The following ETV6 variants were observed in gnomAD, a reference collection of about 807,000 sequenced individuals.
ETV6 encodes ETS variant transcription factor 6.
In ETV6, 16 loss-of-function variants were observed where a neutral mutation model predicts 51.1. The observed-to-expected ratio is 0.31, with a 90% CI of 0.21 to 0.48. The LOEUF is 0.48. Ranked by LOEUF, ETV6 falls within the 20% of genes least tolerant of loss-of-function variation. The pLI is 0.99. For missense variants in ETV6, 458 were observed against 594.8 expected (o/e 0.77, Z 2.39); for synonymous variants, 240 against 224.1 (o/e 1.07, Z -0.64).
rs925755275 is a variant in ETV6, at chr12:11,891,696, C to T, written c.*650C>T. ...CTTCCCTTGGTCCCCTCTGTCCTCC[C>T]GCCCTGCCTGCAGTTGAGATTCAGA... On this transcript the variant is annotated 3_prime_UTR_variant, in exon 8 of 8. Transcript: ENST00000396373. 8.5e-6 allele frequency: 4 copies of T among 472,564 alleles called. No homozygotes were observed. The highest frequency in any genetic ancestry group is 1.6e-5 in the Non-Finnish European group (4 of 247,228). 29.3% of individuals were successfully genotyped at this position (472,564 alleles called of 1,614,324 possible). A position where few individuals can be genotyped will look rare whatever the true frequency, so the allele number is the denominator to read the frequency against.
chr12:11,802,524 A>G (rs1945765733), intron 2 of ETV6, among the ~76,000 whole-genome samples: 1 of 152,222 alleles, frequency 6.6e-6, no homozygotes, highest in Non-Finnish European at 1.5e-5. Flanking sequence ...GCTCTCACTT[A>G]TGAACTTGGA....
At chr12:11,744,042 G>C (rs894393685) in intron 1 of ETV6, among the ~76,000 whole-genome samples, 17 of 152,194 alleles carry the variant, frequency 1.1e-4, no homozygotes, top group African/African-American at 3.6e-4. Context: ...CTTCTGCCCA[G>C]GTTTTAAGTC....
At chr12:11,824,308 G>A (rs995776407) in intron 2 of ETV6, among the ~76,000 whole-genome samples, 1 of 152,220 alleles carries the variant, frequency 6.6e-6, no homozygotes, top group Non-Finnish European at 1.5e-5. Context: ...TCACCAGAAA[G>A]CCTGAAAGTG....
At chr12:11,661,170 T>C (rs1216259702) in intron 1 of ETV6, among the ~76,000 whole-genome samples, 1 of 151,996 alleles carries the variant, frequency 6.6e-6, no homozygotes, top group Non-Finnish European at 1.5e-5. Flanking sequence ...TAAAAAACTT[T>C]TTGTGGAGAC....
intron 1 of ETV6, among the ~76,000 whole-genome samples, chr12:11,693,538 T>A (rs1414663985): frequency 6.6e-6 from 1 of 152,184 alleles, no homozygotes; most frequent in Non-Finnish European, 1.5e-5. Flanking sequence ...TCACCTCTGG[T>A]CCTTGTCAGG....
At chr12:11,780,087 CTCTT>C (rs1295907707) in intron 2 of ETV6, among the ~76,000 whole-genome samples, 2 of 152,220 alleles carry the variant, frequency 1.3e-5, no homozygotes, top group African/African-American at 4.8e-5. Context: ...TTCCTTTTCT[CTCTT>C]TCTGGTACAG....
intron 2 of ETV6, among the ~76,000 whole-genome samples, chr12:11,788,375 A>C (rs1945520379): frequency 6.6e-6 from 1 of 152,164 alleles, no homozygotes; most frequent in Admixed American, 6.5e-5. Flanking sequence ...TCTGCCTTTA[A>C]AAAAAACGAA....
chr12:11,655,443 A>G (rs1291808012), intron 1 of ETV6, among the ~76,000 whole-genome samples: 1 of 152,234 alleles, frequency 6.6e-6, no homozygotes, highest in Non-Finnish European at 1.5e-5. Flanking sequence ...GGGGACAGAA[A>G]GACTAGACTA....
intron 4 of ETV6, among the ~76,000 whole-genome samples, chr12:11,862,613 T>TCTTCACCTGCATTCTTCCC (rs1264727388): frequency 6.6e-6 from 1 of 152,226 alleles, no homozygotes; most frequent in Non-Finnish European, 1.5e-5. Context: ...TCTGCCTTCA[T>TCTTCACCTGCATTCTTCCC]CTTCACCTGC....
intron 1 of ETV6, among the ~76,000 whole-genome samples, chr12:11,738,377 C>T (rs1275603223): frequency 2.0e-5 from 3 of 147,930 alleles, no homozygotes; most frequent in Non-Finnish European, 4.4e-5. Context: ...AGTGCAGTGG[C>T]GCAGTCATGG....
intron 2 of ETV6, among the ~76,000 whole-genome samples, chr12:11,812,232 T>C (rs1945924252): frequency 1.3e-5 from 2 of 152,220 alleles, no homozygotes; most frequent in South Asian, 4.1e-4. Flanking sequence ...ACTGGAGTTT[T>C]GCACAAATCT....
Position 11,869,714 on chromosome 12 carries a change from C to T in ETV6, c.754C>T (p.His252Tyr), listed in dbSNP as rs867045266. The T allele has an allele frequency of 2.5e-6, 4 of 1,613,956 alleles. No individual in the cohort carries two copies. The highest frequency in any genetic ancestry group is 4.5e-5 in the East Asian group (2 of 44,882). The change falls in exon 5 of 8, where the codon CAC (histidine) becomes TAC (tyrosine). Residue 252 changes from histidine to tyrosine, a missense_variant. By Grantham distance (83) the His-to-Tyr change is moderately conservative. This residue lies in a region of ETV6 where 293 missense variants were observed against 315.7 expected (regional missense o/e 0.93). Transcript: ENST00000396373. The surrounding 1 kb of genome is among the most constrained non-coding windows in gnomAD (Gnocchi z 5.0). ...NNHCPASSESHPKPSSPRQES... is the reference protein window; with the variant it reads ...NNHCPASSESYPKPSSPRQES... ...TCACTGCCCAGCGTCCTCCGAGTCC[C>T]ACCCGAAGCCATCCAGCCCCCGGCA...
intron 3 of ETV6, among the ~76,000 whole-genome samples, chr12:11,844,362 T>C (rs1480221789): frequency 1.3e-5 from 2 of 152,240 alleles, no homozygotes; most frequent in African/African-American, 4.8e-5. Flanking sequence ...TTGAGGATTT[T>C]AGTAGACTAA....
chr12:11,773,903 G>A (rs1439396093), intron 2 of ETV6, among the ~76,000 whole-genome samples: 1 of 152,224 alleles, frequency 6.6e-6, no homozygotes, highest in Non-Finnish European at 1.5e-5. Flanking sequence ...GAACATTGGG[G>A]AAATGCAGTG....
chr12:11,767,018 A>G (rs572980578), intron 2 of ETV6, among the ~76,000 whole-genome samples: 1 of 152,286 alleles, frequency 6.6e-6, no homozygotes, highest in East Asian at 1.9e-4. Context: ...CTTAGGAACT[A>G]AATTTTTTTC....
chr12:11,712,999 C>T (rs1480933682), intron 1 of ETV6, among the ~76,000 whole-genome samples: 1 of 152,128 alleles, frequency 6.6e-6, no homozygotes, highest in Non-Finnish European at 1.5e-5. Flanking sequence ...ACCTCTGACA[C>T]CTGCCCTTCA....
Position 11,650,170 on chromosome 12 carries a change from T to C in ETV6, c.33+10T>C. ...TCAGTGTAGCATTAAGGTAAAAATCTTCTCCCCTCCTTCTACGTGGTGGAA... is the reference window on the plus strand; with the variant it reads ...TCAGTGTAGCATTAAGGTAAAAATCCTCTCCCCTCCTTCTACGTGGTGGAA... On this transcript the variant is annotated intron_variant, in intron 1 of 7. Transcript: ENST00000396373. The C allele has an allele frequency of 6.2e-7, 1 of 1,612,084 alleles. No individual in the cohort carries two copies. Among genetic ancestry groups the C allele is most frequent in the Non-Finnish European group, 8.5e-7 (1 of 1,178,376 alleles).
At chr12:11,747,973 T>C (rs1445398280) in intron 1 of ETV6, among the ~76,000 whole-genome samples, 1 of 152,242 alleles carries the variant, frequency 6.6e-6, no homozygotes, top group African/African-American at 2.4e-5. Context: ...GTTGAATCTG[T>C]AGAAGTTGAC....
Position 11,826,898 on chromosome 12 carries a change from C to T in ETV6, c.164-12242C>T, listed in dbSNP as rs375366869. On this transcript the variant is annotated intron_variant, in intron 2 of 7. Transcript: ENST00000396373. ...CCTGACTCCAAGTGACCATCTTAAGCCAGGGGATTAGTAACCTTTACAACT... is the reference window on the plus strand; with the variant it reads ...CCTGACTCCAAGTGACCATCTTAAGTCAGGGGATTAGTAACCTTTACAACT... 1.3e-4 allele frequency among the ~76,000 whole-genome samples: 20 copies of T among 151,996 alleles called. No homozygotes were observed. The South Asian group carries it at 3.5e-3, about 27-fold the overall frequency.
Sources: gnomAD v4.1 joint callset for allele counts (sites outside exome capture counted in the v4.1 genomes callset) on GRCh38, gnomAD v4.1.1 for gene constraint, gnomAD v4.1.1 regional missense constraint, Gnocchi (gnomAD v3.1) non-coding constraint, MANE v1.5 for transcripts, NCBI Gene and HGNC (gene_info 2026-07-23, HGNC 2026-07-21) for gene names.